FSCN3: variants seen among roughly 807,000 people sequenced by gnomAD.
The protein encoded by FSCN3 is fascin-3.
A neutral mutation model predicts 53.5 loss-of-function variants in FSCN3; 43 were observed. That is an observed-to-expected ratio of 0.80 (90% confidence interval 0.63 to 1.04). FSCN3 has a LOEUF of 1.04. Ranked by LOEUF, FSCN3 falls within the 50% of genes least tolerant of loss-of-function variation. FSCN3 has a pLI of 0.00. For missense variants in FSCN3, 594 were observed against 646.5 expected (o/e 0.92, Z 0.88); for synonymous variants, 235 against 246.6 (o/e 0.95, Z 0.44).
chr7:127,593,917 A>T lies in FSCN3; in HGVS notation c.64A>T (p.Ser22Cys), dbSNP rs371298979. 8 of 1,604,588 alleles carry T rather than the reference A, an allele frequency of 5.0e-6. No homozygotes were observed. Among genetic ancestry groups the T allele is most frequent in the Non-Finnish European group, 3.4e-6 (4 of 1,175,520 alleles). Residue 22 changes from serine to cysteine, a missense_variant, in exon 1 of 7, where the codon AGC becomes TGC. By Grantham distance (112) the Ser-to-Cys change is moderately radical (BLOSUM62 -1). Transcript: ENST00000265825. Reference sequence around the variant, plus strand: ...TGAGGACCTAAGGGTTGGGCTCATCAGCTGGGCAGGAACCTACCTCACCTT... The same window carrying T: ...TGAGGACCTAAGGGTTGGGCTCATCTGCTGGGCAGGAACCTACCTCACCTT... ...KAEDLRVGLI[S>C]WAGTYLTFEA...
At chr7:127,597,441 A>G (rs1794405087) in intron 3 of FSCN3, among the ~76,000 whole-genome samples, 1 of 151,290 alleles carries the variant, frequency 6.6e-6, no homozygotes, top group Non-Finnish European at 1.5e-5. Context: ...TAATTTATGG[A>G]TTTAATTCAC....
At chr7:127,601,206 GC>G (rs1208994035) in intron 6 of FSCN3, among the ~76,000 whole-genome samples, 1 of 152,032 alleles carries the variant, frequency 6.6e-6, no homozygotes. Context: ...TGCTTCTAGG[GC>G]TCCCCGAAAG....
intron 5 of FSCN3, 148 bp downstream of exon 5, chr7:127,599,699 A>C (rs564462538): frequency 3.0e-4 from 205 of 673,084 alleles, no homozygotes; most frequent in Middle Eastern, 3.0e-3. Flanking sequence ...TAATCCCAGC[A>C]CTTTGGGAGG....
chr7:127,594,446 G>A, intron 1 of FSCN3: 1 of 470,108 alleles, frequency 2.1e-6, no homozygotes, highest in Non-Finnish European at 4.4e-6. Context: ...CCTCAGCCTT[G>A]CCCTTGCTGC....
intron 1 of FSCN3, 40 bp from the exon 2 acceptor site, chr7:127,595,267 G>A (rs768778971): frequency 2.9e-5 from 45 of 1,559,192 alleles, no homozygotes; most frequent in South Asian, 6.0e-5. Flanking sequence ...TGGTAACTTC[G>A]TGATACTGAT....
Position 127,593,826 on chromosome 7 carries a change from C to G in FSCN3, c.-28C>G. On this transcript the variant is annotated 5_prime_UTR_variant, in exon 1 of 7. Coordinates refer to ENST00000265825, the MANE Select transcript of FSCN3 (RefSeq NM_020369.3). ...CCACGGGGGGGAGGGCTGGGCCAGA[C>G]GGAGACATCACCTGTGGTGTCAGCC... is the stretch of plus-strand genomic sequence containing the variant. 1 of 1,554,500 alleles carries G rather than the reference C, an allele frequency of 6.4e-7. No homozygotes were observed. The highest frequency in any genetic ancestry group is 1.2e-5 in the South Asian group (1 of 84,206).
chr7:127,594,708 G>C, intron 1 of FSCN3: 1 of 471,242 alleles, frequency 2.1e-6, no homozygotes, highest in Non-Finnish European at 4.4e-6. Flanking sequence ...CTTCATTCTA[G>C]AGAGGAATGT....
intron 1 of FSCN3, chr7:127,594,360 CT>C: frequency 2.3e-6 from 1 of 425,592 alleles, no homozygotes; most frequent in South Asian, 1.8e-5. Flanking sequence ...AGGCCTGAGA[CT>C]TTTCTACTCT....
At chr7:127,596,139 C>T in intron 2 of FSCN3, 136 bp downstream of exon 2, 1 of 1,489,578 alleles carries the variant, frequency 6.7e-7, no homozygotes, top group Non-Finnish European at 8.9e-7. Flanking sequence ...TCTTTTGTGC[C>T]ATCGAGAAGG....
chr7:127,593,819 G>C lies in FSCN3; in HGVS notation c.-35G>C. On this transcript the variant is annotated 5_prime_UTR_variant, in exon 1 of 7. Coordinates refer to ENST00000265825, the MANE Select transcript of FSCN3 (RefSeq NM_020369.3). ...AACCTCACCACGGGGGGGAGGGCTGGGCCAGACGGAGACATCACCTGTGGT... is the reference window on the plus strand; with the variant it reads ...AACCTCACCACGGGGGGGAGGGCTGCGCCAGACGGAGACATCACCTGTGGT... The C allele has an allele frequency of 1.3e-6, 2 of 1,552,946 alleles. No individual in the cohort carries two copies. The highest frequency in any genetic ancestry group is 1.7e-6 in the Non-Finnish European group (2 of 1,147,652).
chr7:127,596,140 A>G (rs1194618102), intron 2 of FSCN3, 137 bp downstream of exon 2: 1 of 1,491,574 alleles, frequency 6.7e-7, no homozygotes, highest in Non-Finnish European at 8.9e-7. Context: ...CTTTTGTGCC[A>G]TCGAGAAGGA....
chr7:127,594,476 C>T (rs976560215), intron 1 of FSCN3: 7 of 470,864 alleles, frequency 1.5e-5, no homozygotes, highest in Non-Finnish European at 3.1e-5. Context: ...CTCTAACTGT[C>T]CCTATTCCCC....
Position 127,593,744 on chromosome 7 carries a change from G to C in FSCN3, c.-110G>C. The C allele has an allele frequency of 8.0e-7, 1 of 1,250,436 alleles. No individual in the cohort carries two copies. Among genetic ancestry groups the C allele is most frequent in the Non-Finnish European group, 1.1e-6 (1 of 913,566 alleles). The allele number at this position is 1,250,436 out of a possible 1,614,324, so 77.5% of individuals were successfully genotyped here. On this transcript the variant is annotated 5_prime_UTR_variant, in exon 1 of 7. Coordinates refer to ENST00000265825, the MANE Select transcript of FSCN3 (RefSeq NM_020369.3). ...CCTCTGCCTGGGAAGTTCTCTCTGG[G>C]AACATCTGGTGGGTACTACAGGCCC...
At chr7:127,599,065 C>T (rs954603456) in intron 4 of FSCN3, among the ~76,000 whole-genome samples, 4 of 152,056 alleles carry the variant, frequency 2.6e-5, no homozygotes, top group Admixed American at 2.6e-4. Flanking sequence ...CTCCTTGAGC[C>T]TCAGTTTTGT....
chr7:127,595,355 C>T lies in FSCN3; in HGVS notation c.193C>T (p.Arg65Ter), dbSNP rs755925777. 11 of 1,613,678 alleles carry T rather than the reference C, an allele frequency of 6.8e-6. No homozygotes were observed. Among genetic ancestry groups the T allele is most frequent in the South Asian group, 1.1e-5 (1 of 91,028 alleles). Residue 65 changes from arginine to a stop codon, truncating the protein, a stop_gained, in exon 2 of 7, where the codon CGA becomes TGA. Coordinates refer to ENST00000265825, the MANE Select transcript of FSCN3 (RefSeq NM_020369.3). LOFTEE classifies it high-confidence loss of function. Reference protein sequence around the residue: ...SNEHETQAVVRLKSVQGLYLL... With the variant: ...SNEHETQAVV ...TGAGCATGAGACACAGGCCGTGGTGCGACTAAAGAGCGTGCAGGGCCTCTA... is the reference window on the plus strand; with the variant it reads ...TGAGCATGAGACACAGGCCGTGGTGTGACTAAAGAGCGTGCAGGGCCTCTA...
At chr7:127,594,780 G>A (rs529221789) in intron 1 of FSCN3, 2 of 471,378 alleles carry the variant, frequency 4.2e-6, no homozygotes, top group Non-Finnish European at 8.8e-6. Flanking sequence ...TTATAACAAG[G>A]TTGATCACAG....
chr7:127,595,841 C>G lies in FSCN3; in HGVS notation c.679C>G (p.Leu227Val). 6.2e-7 allele frequency: 1 copy of G among 1,613,652 alleles called. No homozygotes were observed. The highest frequency in any genetic ancestry group is 8.5e-7 in the Non-Finnish European group (1 of 1,179,754). ...AGTGCGGCCTGGAGGGCTTGTGGCA[C>G]TGTGTGATGGAGAAGGAGGCATGTT... is the stretch of plus-strand genomic sequence containing the variant. ...MQVRPGGLVA[L>V]CDGEGGMLYP... Residue 227 changes from leucine to valine, a missense_variant, in exon 2 of 7, where the codon CTG (leucine) becomes GTG (valine). Physicochemically the swap from Leu to Val is conservative, Grantham distance 32. Coordinates refer to ENST00000265825, the MANE Select transcript of FSCN3 (RefSeq NM_020369.3).
chr7:127,593,940 C>T lies in FSCN3; in HGVS notation c.87C>T (p.Thr29=), dbSNP rs1333901116. ...GLISWAGTYL[T]FEACKNTVTA... ...TCAGCTGGGCAGGAACCTACCTCACCTTTGAGGCATGCAAGAATACAGTCA... is the reference window on the plus strand; with the variant it reads ...TCAGCTGGGCAGGAACCTACCTCACTTTTGAGGCATGCAAGAATACAGTCA... The change falls in exon 1 of 7, where the codon ACC becomes ACT. Residue 29 remains threonine (T), a synonymous_variant. Transcript: ENST00000265825. 12 of 1,610,938 alleles carry T rather than the reference C, an allele frequency of 7.4e-6. 1 individual carries two copies. The highest frequency in any genetic ancestry group is 1.3e-5 in the African/African-American group (1 of 75,024).
chr7:127,597,758 A>C (rs1473082987), intron 3 of FSCN3, among the ~76,000 whole-genome samples: 1 of 152,168 alleles, frequency 6.6e-6, no homozygotes, highest in African/African-American at 2.4e-5. Context: ...GATTACAGGC[A>C]TGAGCCACCG....
Sources: allele counts gnomAD v4.1 joint callset (sites outside exome capture counted in the v4.1 genomes callset), GRCh38; gene constraint gnomAD v4.1.1; transcripts MANE v1.5; gene names NCBI Gene and HGNC (gene_info 2026-07-23, HGNC 2026-07-21).